The following NAV3 variants were observed in gnomAD, a reference collection of about 807,000 sequenced individuals.
NAV3 encodes the protein pore membrane and/or filament interacting like protein 1.
In NAV3, 87 loss-of-function variants were observed where a neutral mutation model predicts 244.7. The observed-to-expected ratio is 0.36, with a 90% CI of 0.30 to 0.42. The LOEUF is 0.42. Among genes scored for constraint, NAV3 ranks in the 20% least tolerant of loss-of-function variants. The pLI is 1.00. For synonymous variants in NAV3, 1,126 were observed against 1,042.2 expected (o/e 1.08, Z -1.55); for missense variants, 2,663 against 2,893.3 (o/e 0.92, Z 1.83).
intron 34 of NAV3, among the ~76,000 whole-genome samples, chr12:78,196,390 T>G (rs1294963329): frequency 2.0e-5 from 3 of 152,002 alleles, no homozygotes; most frequent in Non-Finnish European, 4.4e-5. Context: ...AATTCACATA[T>G]TTACCTGGCT....
intron 2 of NAV3, among the ~76,000 whole-genome samples, chr12:77,687,782 A>G (rs1250196930): frequency 6.6e-6 from 1 of 152,134 alleles, no homozygotes; most frequent in Non-Finnish European, 1.5e-5. Context: ...TCTCTTGAAT[A>G]TAAGCCATTT....
chr12:77,873,380 G>A (rs911738620), intron 1 of NAV3, among the ~76,000 whole-genome samples: 3 of 151,864 alleles, frequency 2.0e-5, no homozygotes, highest in African/African-American at 7.2e-5. Context: ...TGTAACAAAT[G>A]ATGTAACAAA....
intron 2 of NAV3, among the ~76,000 whole-genome samples, chr12:77,779,643 G>A (rs1402879933): frequency 2.0e-5 from 3 of 152,118 alleles, no homozygotes; most frequent in Admixed American, 6.5e-5. Flanking sequence ...CCAAAAAATG[G>A]CACTCTGATT....
intron 1 of NAV3, among the ~76,000 whole-genome samples, chr12:77,887,907 A>G (rs1159971788): frequency 6.6e-6 from 1 of 152,128 alleles, no homozygotes; most frequent in Non-Finnish European, 1.5e-5. Context: ...TATTGTAATT[A>G]TGCATTTAAT....
At chr12:78,042,781 T>C (rs1270253733) in intron 9 of NAV3, among the ~76,000 whole-genome samples, 1 of 152,108 alleles carries the variant, frequency 6.6e-6, no homozygotes, top group Non-Finnish European at 1.5e-5. Context: ...AGAGTGAGAC[T>C]CTGTCTAAAA....
rs370290153 is a variant in NAV3, at chr12:78,050,896, T to C, written c.2265T>C (p.Asp755=). The change falls in exon 11 of 40, where the codon GAT becomes GAC. Residue 755 remains aspartate (D), a synonymous_variant. Coordinates refer to ENST00000397909, the MANE Select transcript of NAV3 (RefSeq NM_001024383.2). ...GQACPRLQAG[D]APSLGAGYPR... ...CATGTCCGCGACTTCAGGCGGGAGA[T>C]GCTCCCTCCCTGGGTGCTGGCTATC... 1 of 1,613,958 alleles carries C rather than the reference T, an allele frequency of 6.2e-7. No individual in the cohort carries two copies. The highest frequency in any genetic ancestry group is 1.3e-5 in the African/African-American group (1 of 74,916).
intron 2 of NAV3, among the ~76,000 whole-genome samples, chr12:77,599,826 T>C (rs11105859): frequency 0.17 from 26,260 of 151,880 alleles, 2,655 homozygotes; most frequent in Admixed American, 0.23. Context: ...AAATTTTTAA[T>C]CCAGCTTATT....
At chr12:77,602,570 G>A (rs1286235521) in intron 2 of NAV3, among the ~76,000 whole-genome samples, 2 of 151,862 alleles carry the variant, frequency 1.3e-5, no homozygotes, top group Non-Finnish European at 2.9e-5. Flanking sequence ...AACATTGGGA[G>A]GAATGCTAGG....
chr12:78,157,417 T>C (rs1207366886), intron 22 of NAV3, among the ~76,000 whole-genome samples: 1 of 148,060 alleles, frequency 6.8e-6, no homozygotes, highest in Non-Finnish European at 1.5e-5. Flanking sequence ...AAAAAGTAGC[T>C]GGGCATGTTG....
intron 36 of NAV3, chr12:78,198,947 AAAAGT>A (rs1244450490): frequency 6.7e-6 from 3 of 447,552 alleles, no homozygotes; most frequent in South Asian, 2.7e-5. Flanking sequence ...AAGAAAAAAG[AAAAGT>A]AAAGTAGATG....
intron 2 of NAV3, among the ~76,000 whole-genome samples, chr12:77,754,454 G>A (rs993410182): frequency 2.6e-4 from 39 of 152,084 alleles, no homozygotes; most frequent in Non-Finnish European, 5.3e-4. Context: ...GACCTTCATT[G>A]CTCCTGAAGG....
chr12:78,184,131 C>T (rs977300512), intron 30 of NAV3, among the ~76,000 whole-genome samples: 7 of 151,834 alleles, frequency 4.6e-5, no homozygotes, highest in African/African-American at 1.4e-4. Context: ...AGTGCTTAAA[C>T]TATTCTGAAA....
At chr12:77,932,905 T>C (rs1167073001) in intron 1 of NAV3, among the ~76,000 whole-genome samples, 2 of 152,204 alleles carry the variant, frequency 1.3e-5, no homozygotes, top group African/African-American at 4.8e-5. Flanking sequence ...TGAGGCTATT[T>C]CATAGCTCTG....
chr12:77,607,665 C>T (rs1163259699), intron 2 of NAV3, among the ~76,000 whole-genome samples: 7 of 152,060 alleles, frequency 4.6e-5, no homozygotes, highest in African/African-American at 1.7e-4. Context: ...AATTATCAAG[C>T]ATTCAATCCC....
At chr12:77,928,762 C>A (rs1400166707) in intron 1 of NAV3, among the ~76,000 whole-genome samples, 1 of 152,108 alleles carries the variant, frequency 6.6e-6, no homozygotes, top group African/African-American at 2.4e-5. Flanking sequence ...TTCCTATTTC[C>A]AATCTAATAA....
intron 2 of NAV3, among the ~76,000 whole-genome samples, chr12:77,776,559 A>G (rs1759991897): frequency 6.6e-6 from 1 of 152,186 alleles, no homozygotes; most frequent in African/African-American, 2.4e-5. Context: ...TGTTCAGTAG[A>G]AGGACGATCT....
chr12:77,607,686 T>A (rs1870732424), intron 2 of NAV3, among the ~76,000 whole-genome samples: 1 of 152,092 alleles, frequency 6.6e-6, no homozygotes, highest in African/African-American at 2.4e-5. Flanking sequence ...AATTGCAACC[T>A]TATTTTCTTC....
At chr12:77,918,025 C>A (rs1030962369) in intron 1 of NAV3, among the ~76,000 whole-genome samples, 2 of 151,972 alleles carry the variant, frequency 1.3e-5, no homozygotes, top group African/African-American at 4.8e-5. Context: ...TGTTTGCCAG[C>A]AGTAGTGTCA....
chr12:77,781,549 A>G (rs929541876), intron 2 of NAV3, among the ~76,000 whole-genome samples: 5 of 152,134 alleles, frequency 3.3e-5, no homozygotes, highest in African/African-American at 9.7e-5. Flanking sequence ...TCCAGACAGA[A>G]CCAATATACA....
Sources: allele counts gnomAD v4.1 joint callset (sites outside exome capture counted in the v4.1 genomes callset), GRCh38; gene constraint gnomAD v4.1.1; transcripts MANE v1.5; gene names NCBI Gene and HGNC (gene_info 2026-07-23, HGNC 2026-07-21).